The following LRRIQ1 variants were observed in gnomAD, a reference collection of about 807,000 sequenced individuals.
LRRIQ1 encodes leucine-rich repeat- and IQ domain-containing protein 1.
LRRIQ1 carries 210 observed loss-of-function variants against 211.9 expected under a neutral mutation model. That is an observed-to-expected ratio of 0.99 (90% CI 0.89 to 1.11). The LOEUF (loss-of-function observed/expected upper bound fraction) is 1.11. LRRIQ1 is among the 50% of genes most tolerant of loss of function. LRRIQ1 has a pLI of 0.00. For missense variants in LRRIQ1, 2,136 were observed against 1,939.5 expected (o/e 1.10, Z -1.90); for synonymous variants, 699 against 650.1 (o/e 1.08, Z -1.14).
At position 85,070,632 on chromosome 12, in the gene LRRIQ1, T is replaced by G. The variant is rs116883958; in HGVS notation, c.2696-2275T>G. Reference sequence around the variant, plus strand: ...CTTTCTCTCTCTCTCTCAATATTCTTATGAAAATATACATTTTTACAGCTC... The same window carrying G: ...CTTTCTCTCTCTCTCTCAATATTCTGATGAAAATATACATTTTTACAGCTC... On this transcript the variant is annotated intron_variant, in intron 10 of 26. Transcript: ENST00000393217. Among the ~76,000 whole-genome samples the G allele has an allele frequency of 6.6e-4, 100 of 152,106 alleles. 2 individuals are homozygous for G. The East Asian group carries it at 0.016, about 24-fold the overall frequency.
At chr12:85,194,651 A>G (rs1470081373) in intron 24 of LRRIQ1, among the ~76,000 whole-genome samples, 3 of 152,138 alleles carry the variant, frequency 2.0e-5, no homozygotes, top group South Asian at 4.2e-4. Context: ...ACATACCAGA[A>G]TCTCTGGGAT....
At chr12:85,237,874 A>G (rs767779522) in intron 26 of LRRIQ1, among the ~76,000 whole-genome samples, 17 of 152,110 alleles carry the variant, frequency 1.1e-4, no homozygotes, top group African/African-American at 1.4e-4. Flanking sequence ...TAAAATTACA[A>G]TGTCCAGTGT....
intron 26 of LRRIQ1, among the ~76,000 whole-genome samples, chr12:85,236,979 G>A (rs1173321797): frequency 4.0e-5 from 6 of 150,776 alleles, no homozygotes; most frequent in Non-Finnish European, 1.5e-5. Context: ...ATAATTGGTT[G>A]GATATATATT....
intron 26 of LRRIQ1, among the ~76,000 whole-genome samples, chr12:85,242,045 C>T (rs1031524007): frequency 2.0e-5 from 3 of 151,656 alleles, no homozygotes; most frequent in African/African-American, 7.3e-5. Context: ...GTAGGTAGGG[C>T]GATAAAAGAG....
chr12:85,150,370 C>G (rs1484142690), intron 19 of LRRIQ1, among the ~76,000 whole-genome samples: 2 of 151,704 alleles, frequency 1.3e-5, no homozygotes, highest in African/African-American at 4.8e-5. Context: ...CAAAAAAACT[C>G]TAAGTTCTAA....
chr12:85,178,869 G>A (rs1350768458), intron 24 of LRRIQ1, among the ~76,000 whole-genome samples: 1 of 150,068 alleles, frequency 6.7e-6, no homozygotes, highest in African/African-American at 2.5e-5. Context: ...ATACAAAGAT[G>A]AATATAGGGA....
intron 10 of LRRIQ1, among the ~76,000 whole-genome samples, chr12:85,068,833 T>C (rs1232247194): frequency 1.3e-5 from 2 of 151,582 alleles, no homozygotes; most frequent in African/African-American, 2.4e-5. Flanking sequence ...CCTGTGTGAA[T>C]TGTCTTACAG....
In LRRIQ1 at chr12:85,068,213, C is replaced by G. The variant is rs559413500; in HGVS notation, c.2695+1315C>G. Among the ~76,000 whole-genome samples, 9 of 151,816 alleles carry G rather than the reference C, an allele frequency of 5.9e-5. No individual in the cohort carries two copies. In the South Asian group the frequency reaches 1.9e-3, roughly 32 times the overall value. ...GACAGATGGCTGAAATACTGGGCTCCCAGAGGATACCATACTGTCCACCTT... is the reference window on the plus strand; with the variant it reads ...GACAGATGGCTGAAATACTGGGCTCGCAGAGGATACCATACTGTCCACCTT... On this transcript the variant is annotated intron_variant, in intron 10 of 26. Transcript: ENST00000393217.
In LRRIQ1 at chr12:85,225,732, T is replaced by C. The variant is rs1894619395; in HGVS notation, c.4823-3785T>C. ...GCAGGCAGAAGGTTGCTTCTTCTAATATTGAAAGGAAGGAATTACTGGGCA... is the reference window on the plus strand; with the variant it reads ...GCAGGCAGAAGGTTGCTTCTTCTAACATTGAAAGGAAGGAATTACTGGGCA... On this transcript the variant is annotated intron_variant, in intron 24 of 26. Coordinates refer to ENST00000393217, the MANE Select transcript of LRRIQ1 (RefSeq NM_001079910.2). 1.3e-5 allele frequency among the ~76,000 whole-genome samples: 2 copies of C among 152,144 alleles called. 1 individual carries two copies. The highest frequency in any genetic ancestry group is 4.1e-4 in the South Asian group (2 of 4,832).
intron 13 of LRRIQ1, among the ~76,000 whole-genome samples, chr12:85,102,985 TA>T (rs1403556730): frequency 4.2e-5 from 6 of 143,028 alleles, no homozygotes; most frequent in African/African-American, 1.5e-4. Context: ...TATATATATA[TA>T]TTTTACTAAG....
Position 85,220,196 on chromosome 12 carries a change from AG to A in LRRIQ1, c.4823-9319del, listed in dbSNP as rs1169089649. On this transcript the variant is annotated intron_variant, in intron 24 of 26. Coordinates refer to ENST00000393217, the MANE Select transcript of LRRIQ1 (RefSeq NM_001079910.2). ...CTATGTCCTCCAAAAACTTTTGGTA[AG>A]GAAATGAACTCATCTCTATTAATGA... is the stretch of plus-strand genomic sequence containing the variant. Among the ~76,000 whole-genome samples the A allele has an allele frequency of 2.0e-5, 3 of 152,308 alleles. No homozygotes were observed. The East Asian group carries it at 5.8e-4, about 29-fold the overall frequency.
intron 11 of LRRIQ1, among the ~76,000 whole-genome samples, chr12:85,093,408 G>A (rs1314570212): frequency 1.3e-5 from 2 of 152,150 alleles, no homozygotes; most frequent in Non-Finnish European, 2.9e-5. Context: ...GACTAAAATT[G>A]TCAACCACAT....
At chr12:85,270,790 CAT>C in the LRRIQ1 span, among the ~76,000 whole-genome samples, 1 of 152,110 alleles carries the variant, frequency 6.6e-6, no homozygotes, top group Non-Finnish European at 1.5e-5. Context: ...AAATAGCCTT[CAT>C]TTGATAGAAG....
intron 24 of LRRIQ1, among the ~76,000 whole-genome samples, chr12:85,211,980 A>G (rs1165930808): frequency 6.6e-6 from 1 of 152,166 alleles, no homozygotes; most frequent in Non-Finnish European, 1.5e-5. Context: ...GTTTAAAAAA[A>G]TGGGGGCCAA....
chr12:85,232,639 T>C (rs1057233483), intron 25 of LRRIQ1, 57 bp from the exon 26 acceptor site: 10 of 1,401,438 alleles, frequency 7.1e-6, no homozygotes, highest in African/African-American at 1.4e-5. Flanking sequence ...ACGTTTCTTT[T>C]ATATGCTTCC....
chr12:85,137,998 T>A (rs1247519441), intron 19 of LRRIQ1, 29 bp downstream of exon 19: 1 of 1,233,774 alleles, frequency 8.1e-7, no homozygotes, highest in Non-Finnish European at 1.1e-6. Context: ...ATATAAATAT[T>A]GGTCTTAAAA....
intron 24 of LRRIQ1, among the ~76,000 whole-genome samples, chr12:85,197,913 TA>T (rs1202883313): frequency 2.3e-3 from 278 of 120,892 alleles, no homozygotes; most frequent in East Asian, 8.4e-3. Flanking sequence ...AAATATATAA[TA>T]AAAATATATA....
In LRRIQ1 at chr12:85,232,732, T is replaced by G; in HGVS notation, c.4992T>G (p.Leu1664=). The change falls in exon 26 of 27, where the codon CTT becomes CTG. Residue 1664 remains leucine (L), a synonymous_variant. Transcript: ENST00000393217. ...HFLPELDPDV[L]NGGRVQLVAR... ...TGCCTGAGTTAGATCCAGATGTACT[T>G]AATGGTGGAAGAGTTCAGCTTGTGG... 1 of 1,612,802 alleles carries G rather than the reference T, an allele frequency of 6.2e-7. No individual in the cohort carries two copies. Among genetic ancestry groups the G allele is most frequent in the Non-Finnish European group, 8.5e-7 (1 of 1,179,188 alleles).
chr12:85,188,756 G>A (rs1264981878), intron 24 of LRRIQ1, among the ~76,000 whole-genome samples: 1 of 152,130 alleles, frequency 6.6e-6, no homozygotes, highest in Non-Finnish European at 1.5e-5. Context: ...ATCCTGCACA[G>A]CAGAGGCCCT....
Sources: allele counts gnomAD v4.1 joint callset (sites outside exome capture counted in the v4.1 genomes callset), GRCh38; gene constraint gnomAD v4.1.1; transcripts MANE v1.5; gene names NCBI Gene and HGNC (gene_info 2026-07-23, HGNC 2026-07-21).